Variants in PREX2 observed in about 807,000 individuals in gnomAD.
PREX2 encodes phosphatidylinositol 3,4,5-trisphosphate-dependent Rac exchanger 2 protein.
A neutral mutation model predicts 203.2 loss-of-function variants in PREX2; 107 were observed. The ratio of observed to expected loss-of-function variants is 0.53; its 90% CI spans 0.45 to 0.62. PREX2 has a LOEUF of 0.62. PREX2 is among the 20% of genes least tolerant of loss of function. The pLI, the probability that PREX2 is intolerant of heterozygous loss-of-function variation, is 0.00. For missense variants in PREX2, 1,777 were observed against 1,955.9 expected (o/e 0.91, Z 1.72); for synonymous variants, 672 against 663.6 (o/e 1.01, Z -0.19).
chr8:68,063,907 C>A (rs904510552), intron 11 of PREX2, among the ~76,000 whole-genome samples: 4 of 152,160 alleles, frequency 2.6e-5, no homozygotes, highest in Admixed American at 2.6e-4. Context: ...GAGGTTCCAG[C>A]TGCATTTTGG....
At chr8:67,969,486 C>A (rs1032215218) in intron 1 of PREX2, among the ~76,000 whole-genome samples, 5 of 151,860 alleles carry the variant, frequency 3.3e-5, no homozygotes, top group Admixed American at 3.3e-4. Flanking sequence ...ATGGACCATC[C>A]CATAATAATA....
chr8:68,083,136 CAA>C (rs1809580708), intron 17 of PREX2, 102 bp from the exon 18 acceptor site: 1 of 753,676 alleles, frequency 1.3e-6, no homozygotes, highest in South Asian at 2.3e-5. Flanking sequence ...GTTAAAATGT[CAA>C]TATCTATAAG....
intron 35 of PREX2, among the ~76,000 whole-genome samples, chr8:68,184,812 A>G (rs1036111398): frequency 4.6e-5 from 7 of 152,316 alleles, no homozygotes; most frequent in Admixed American, 3.3e-4. Context: ...TAACCTCTGT[A>G]TATTTCCTAT....
At chr8:68,027,428 C>A in intron 5 of PREX2, 105 bp downstream of exon 5, 3 of 747,694 alleles carry the variant, frequency 4.0e-6, no homozygotes, top group East Asian at 2.7e-5. Flanking sequence ...CTAAAGGAAG[C>A]GTAGACCATA....
At chr8:68,116,338 G>A (rs1236795878) in intron 26 of PREX2, among the ~76,000 whole-genome samples, 1 of 151,984 alleles carries the variant, frequency 6.6e-6, no homozygotes, top group Non-Finnish European at 1.5e-5. Context: ...TCTTTTCATT[G>A]TCTATGTTCC....
rs1273862451 is a variant in PREX2 at position 68,232,969 on chromosome 8, TA to T, written c.*1595del. The T allele has an allele frequency of 2.6e-5, 4 of 152,218 alleles. No homozygotes were observed. The highest frequency in any genetic ancestry group is 9.6e-5 in the African/African-American group (4 of 41,460). The allele number at this position is 152,218 out of a possible 1,614,324, so 9.4% of individuals were successfully genotyped here. A position where few individuals can be genotyped will look rare whatever the true frequency, so the allele number is the denominator to read the frequency against. On this transcript the variant is annotated 3_prime_UTR_variant, in exon 40 of 40. Transcript: ENST00000288368. The stretch of plus-strand genomic sequence containing the variant: ...TTGATCATGGTTTTCAAACTATTAT[TA>T]AAACCTTTATCATTAACCATTATGT...
chr8:68,204,038 G>A (rs949753015), intron 37 of PREX2, among the ~76,000 whole-genome samples: 3 of 151,782 alleles, frequency 2.0e-5, no homozygotes, highest in African/African-American at 7.3e-5. Flanking sequence ...AATTCCCCCC[G>A]CCCCACCCAC....
chr8:68,146,943 A>G lies in PREX2; in HGVS notation c.4231+591A>G, dbSNP rs577562385. On this transcript the variant is annotated intron_variant, in intron 34 of 39. Coordinates refer to ENST00000288368, the MANE Select transcript of PREX2 (RefSeq NM_024870.4). ...AATTAAGGTTAGCATGAGCAAGAAAATTCTTGTAGTGAGCTCTGTTTCTGA... is the reference window on the plus strand; with the variant it reads ...AATTAAGGTTAGCATGAGCAAGAAAGTTCTTGTAGTGAGCTCTGTTTCTGA... Among the ~76,000 whole-genome samples, 56 of 152,208 alleles carry G rather than the reference A, an allele frequency of 3.7e-4. 2 individuals carry two copies. The South Asian group carries it at 8.9e-3, about 24-fold the overall frequency.
At chr8:68,196,771 G>A (rs1018926475) in intron 37 of PREX2, among the ~76,000 whole-genome samples, 8 of 151,606 alleles carry the variant, frequency 5.3e-5, no homozygotes, top group African/African-American at 1.5e-4. Context: ...TGTAAGAGGC[G>A]CCTGCTTCCC....
At chr8:68,030,411 G>T (rs1807847328) in intron 5 of PREX2, 86 bp from the exon 6 acceptor site, 3 of 1,277,840 alleles carry the variant, frequency 2.3e-6, no homozygotes. Flanking sequence ...CATGATCTTT[G>T]CAGTTTTCAT....
intron 35 of PREX2, among the ~76,000 whole-genome samples, chr8:68,165,677 G>GT (rs1238319455): frequency 3.3e-5 from 5 of 151,204 alleles, no homozygotes; most frequent in Non-Finnish European, 5.9e-5. Flanking sequence ...TCTTTTAGAA[G>GT]TTTTTTTTTC....
At chr8:68,031,313 G>T (rs1021015348) in intron 6 of PREX2, among the ~76,000 whole-genome samples, 2 of 152,126 alleles carry the variant, frequency 1.3e-5, no homozygotes, top group African/African-American at 4.8e-5. Flanking sequence ...CTAAAATTCT[G>T]TCATTACATT....
At position 68,134,135 on chromosome 8, in the gene PREX2, G is replaced by A. The variant is rs761635850; in HGVS notation, c.3843G>A (p.Gln1281=). ...LVATVCAFSE[Q]LMAALNQMFD... ...CCACTGTCTGTGCCTTCTCTGAGCA[G>A]CTCATGGCGGCCTTGAACCAGATGT... The change falls in exon 32 of 40, where the codon CAG becomes CAA. Residue 1281 remains glutamine (Q), a synonymous_variant. Transcript: ENST00000288368. 3 of 1,614,142 alleles carry A rather than the reference G, an allele frequency of 1.9e-6. No individual in the cohort carries two copies. The Admixed American group carries it at 5.0e-5, about 27-fold the overall frequency.
intron 35 of PREX2, among the ~76,000 whole-genome samples, chr8:68,174,096 C>T (rs1356375262): frequency 6.6e-6 from 1 of 151,940 alleles, no homozygotes; most frequent in East Asian, 1.9e-4. Flanking sequence ...GATTTTTTTC[C>T]TATTGCTTTT....
chr8:68,051,707 A>C (rs1808531672), intron 8 of PREX2, among the ~76,000 whole-genome samples: 1 of 152,158 alleles, frequency 6.6e-6, no homozygotes. Context: ...TGGGAACATG[A>C]ATTAAACACA....
intron 35 of PREX2, among the ~76,000 whole-genome samples, chr8:68,182,257 T>C (rs1458831405): frequency 6.6e-6 from 1 of 152,124 alleles, no homozygotes; most frequent in Non-Finnish European, 1.5e-5. Flanking sequence ...ACAAGAATTT[T>C]GCTGTGTCAT....
At position 68,038,291 on chromosome 8, in the gene PREX2, A is replaced by G. The variant is rs758772318; in HGVS notation, c.838A>G (p.Arg280Gly). Reference sequence around the variant, plus strand: ...TTTGGTGTACTGCAAAAGAAAACACAGGTAAGATCCTAAGCAGGACACACT... The same window carrying G: ...TTTGGTGTACTGCAAAAGAAAACACGGGTAAGATCCTAAGCAGGACACACT... Reference protein sequence around the residue: ...NLLVYCKRKHRRLKNSKASTD... With the variant: ...NLLVYCKRKHGRLKNSKASTD... The change falls in exon 7 of 40, where the codon AGA (arginine) becomes GGA (glycine). Residue 280 changes from arginine to glycine, a missense_variant and splice_region_variant. Physicochemically the swap from Arg to Gly is moderately radical, Grantham distance 125. Coordinates refer to ENST00000288368, the MANE Select transcript of PREX2 (RefSeq NM_024870.4). The G allele has an allele frequency of 6.2e-7, 1 of 1,613,576 alleles. No homozygotes were observed. Among genetic ancestry groups the G allele is most frequent in the African/African-American group, 1.3e-5 (1 of 74,894 alleles).
At chr8:68,062,266 C>T (rs1403039786) in intron 11 of PREX2, among the ~76,000 whole-genome samples, 1 of 152,140 alleles carries the variant, frequency 6.6e-6, no homozygotes, top group Non-Finnish European at 1.5e-5. Context: ...TTTTGTTCTC[C>T]ACTCCTGTAG....
At chr8:68,019,954 A>G (rs1185614549) in intron 3 of PREX2, among the ~76,000 whole-genome samples, 1 of 152,228 alleles carries the variant, frequency 6.6e-6, no homozygotes, top group Admixed American at 6.5e-5. Context: ...CAGGCTGTTC[A>G]TAATGAATGA....
Sources: allele counts gnomAD v4.1 joint callset (sites outside exome capture counted in the v4.1 genomes callset), GRCh38; gene constraint gnomAD v4.1.1; transcripts MANE v1.5; gene names NCBI Gene and HGNC (gene_info 2026-07-23, HGNC 2026-07-21).